The following KCNMA1 variants were observed in gnomAD, a reference collection of about 807,000 sequenced individuals.
The protein encoded by KCNMA1 is potassium calcium-activated channel subfamily M alpha 1.
In KCNMA1, 29 loss-of-function variants were observed where a neutral mutation model predicts 140.0. The ratio of observed to expected loss-of-function variants is 0.21; its 90% CI spans 0.15 to 0.28. The LOEUF (loss-of-function observed/expected upper bound fraction) is 0.28, where lower values mean the gene tolerates loss of function less well. KCNMA1 is among the 10% of genes least tolerant of loss of function. The pLI is 1.00. For synonymous variants in KCNMA1, 612 were observed against 611.9 expected (o/e 1.00, Z 0.00); for missense variants, 880 against 1,602.2 (o/e 0.55, Z 7.70).
At chr10:77,401,920 G>A (rs774363583) in intron 2 of KCNMA1, among the ~76,000 whole-genome samples, 7 of 152,026 alleles carry the variant, frequency 4.6e-5, no homozygotes, top group Non-Finnish European at 7.4e-5. Flanking sequence ...AATAACTTCC[G>A]CATATGGTGC....
intron 1 of KCNMA1, among the ~76,000 whole-genome samples, chr10:77,521,431 C>T (rs1409347157): frequency 6.6e-6 from 1 of 152,208 alleles, no homozygotes. Flanking sequence ...ATTAGAGGCC[C>T]ACACACTAGT....
intron 14 of KCNMA1, among the ~76,000 whole-genome samples, chr10:77,069,688 G>A (rs2096113937): frequency 6.6e-6 from 1 of 152,196 alleles, no homozygotes; most frequent in African/African-American, 2.4e-5. Context: ...CAAAGACTTA[G>A]GGTCCTAAGG....
intron 1 of KCNMA1, among the ~76,000 whole-genome samples, chr10:77,572,051 G>C (rs2071584094): frequency 6.6e-6 from 1 of 152,180 alleles, no homozygotes; most frequent in African/African-American, 2.4e-5. Context: ...GCTGTAAGAA[G>C]GTAGAACAAA....
At chr10:77,614,886 A>C (rs1020494383) in intron 1 of KCNMA1, among the ~76,000 whole-genome samples, 3 of 152,342 alleles carry the variant, frequency 2.0e-5, no homozygotes, top group Admixed American at 6.5e-5. Flanking sequence ...GTATGGGACA[A>C]GTTGCCAATG....
chr10:77,453,273 T>C (rs1441555799), intron 1 of KCNMA1, among the ~76,000 whole-genome samples: 3 of 151,928 alleles, frequency 2.0e-5, no homozygotes, highest in African/African-American at 7.3e-5. Context: ...ATCATTAGAA[T>C]ACAGATTACA....
chr10:77,309,698 G>A (rs2078749462), intron 2 of KCNMA1: 1 of 152,236 alleles, frequency 6.6e-6, no homozygotes, highest in African/African-American at 2.4e-5. Flanking sequence ...GAGGAGTGCT[G>A]GTAGGGTGGG....
At chr10:77,001,729 G>A (rs777763198) in intron 18 of KCNMA1, 149 bp from the exon 19 acceptor site, 66 of 643,642 alleles carry the variant, frequency 1.0e-4, no homozygotes, top group Non-Finnish European at 1.6e-4. Flanking sequence ...AATGCAGAGT[G>A]ATTGTTGGTA....
intron 2 of KCNMA1, among the ~76,000 whole-genome samples, chr10:77,288,583 G>A (rs1402575193): frequency 6.6e-6 from 1 of 152,160 alleles, no homozygotes; most frequent in Non-Finnish European, 1.5e-5. Context: ...TTTTACCAGT[G>A]GGGTAACCAA....
intron 1 of KCNMA1, chr10:77,636,940 A>AC: frequency 7.1e-7 from 1 of 1,406,972 alleles, no homozygotes; most frequent in Non-Finnish European, 9.2e-7. Flanking sequence ...GGCTGTCCCC[A>AC]CCCCGCACCA....
rs939883697 is a variant in KCNMA1, at chr10:77,459,135, C to T, written c.379-55112G>A. Reference sequence around the variant, plus strand: ...CTGGTAGGGGGAGGGAAGGCACTGACAGTAGGGGCATTTGAGTGGGATAGG... The same window carrying T: ...CTGGTAGGGGGAGGGAAGGCACTGATAGTAGGGGCATTTGAGTGGGATAGG... On this transcript the variant is annotated intron_variant, in intron 1 of 27. Transcript: ENST00000286628. Among the ~76,000 whole-genome samples the T allele has an allele frequency of 3.3e-5, 5 of 152,190 alleles. No homozygotes were observed. In the East Asian group the frequency reaches 9.6e-4, roughly 29 times the overall value.
intron 1 of KCNMA1, among the ~76,000 whole-genome samples, chr10:77,452,464 G>A (rs1231610415): frequency 6.6e-6 from 1 of 152,236 alleles, no homozygotes; most frequent in Non-Finnish European, 1.5e-5. Context: ...GGGTGGTGAT[G>A]AGGAGGCGAG....
chr10:76,880,890 G>T (rs772745300), downstream of KCNMA1, among the ~76,000 whole-genome samples: 3 of 152,200 alleles, frequency 2.0e-5, no homozygotes, highest in Admixed American at 6.5e-5. Context: ...GCAATTGATC[G>T]GGGTGGGAGG....
chr10:77,083,860 G>A (rs1400213993), intron 12 of KCNMA1, among the ~76,000 whole-genome samples: 4 of 151,722 alleles, frequency 2.6e-5, no homozygotes, highest in Non-Finnish European at 5.9e-5. Context: ...GGGGGGGTTG[G>A]GGGAGGTGGG....
At chr10:77,073,728 G>A (rs1387606590) in intron 13 of KCNMA1, among the ~76,000 whole-genome samples, 4 of 152,144 alleles carry the variant, frequency 2.6e-5, no homozygotes, top group Non-Finnish European at 5.9e-5. Context: ...ACAGATTGCT[G>A]GCCCCCCACC....
Position 77,108,395 on chromosome 10 carries a change from A to G in KCNMA1, c.1223+86T>C. ...AACATTGCCTACATGCATGAAACAAAGAAACAAGAGCCAAAAAAAAAAAAA... is the reference window on the plus strand; with the variant it reads ...AACATTGCCTACATGCATGAAACAAGGAAACAAGAGCCAAAAAAAAAAAAA... On this transcript the variant is annotated intron_variant, in intron 9 of 27. Coordinates refer to ENST00000286628, the MANE Select transcript of KCNMA1 (RefSeq NM_001161352.2). This position sits in a 1 kb window ranked among gnomAD's most constrained non-coding sequence, Gnocchi z 4.6. The G allele has an allele frequency of 4.6e-6, 7 of 1,535,986 alleles. No individual in the cohort carries two copies. Among genetic ancestry groups the G allele is most frequent in the Non-Finnish European group, 5.2e-6 (6 of 1,152,012 alleles).
chr10:76,995,748 C>T (rs2084093904), intron 19 of KCNMA1: 2 of 465,182 alleles, frequency 4.3e-6, no homozygotes, highest in African/African-American at 4.0e-5. Flanking sequence ...TTCTATGTCA[C>T]CTTGCATAAG....
chr10:77,006,506 G>A (rs1469657551), intron 18 of KCNMA1, among the ~76,000 whole-genome samples: 4 of 152,216 alleles, frequency 2.6e-5, no homozygotes, highest in African/African-American at 9.6e-5. Context: ...CTGGGAATCA[G>A]AGAATATTCT....
chr10:77,184,302 C>T (rs914069831), intron 4 of KCNMA1, among the ~76,000 whole-genome samples: 3 of 152,214 alleles, frequency 2.0e-5, no homozygotes, highest in South Asian at 2.1e-4. Flanking sequence ...TCACTGCAAC[C>T]TCTGCCTCCC....
In KCNMA1 at chr10:77,445,428, C is replaced by T. The variant is rs114166669; in HGVS notation, c.379-41405G>A. Among the ~76,000 whole-genome samples the T allele has an allele frequency of 1.6e-3, 245 of 151,582 alleles. 2 individuals are homozygous for T. Among genetic ancestry groups the T allele is most frequent in the African/African-American group, 5.7e-3 (234 of 41,256 alleles). ...AAATAAAAAAAATCTTGCAATTATT[C>T]AAAAGAAACTATGGTTGATTTGTTG... On this transcript the variant is annotated intron_variant, in intron 1 of 27. Coordinates refer to ENST00000286628, the MANE Select transcript of KCNMA1 (RefSeq NM_001161352.2).
Sources: gnomAD v4.1 joint callset for allele counts (sites outside exome capture counted in the v4.1 genomes callset) on GRCh38, gnomAD v4.1.1 for gene constraint, Gnocchi (gnomAD v3.1) non-coding constraint, MANE v1.5 for transcripts, NCBI Gene and HGNC (gene_info 2026-07-23, HGNC 2026-07-21) for gene names.